Variants in FRS2 observed in about 807,000 individuals in gnomAD.
FRS2 encodes fibroblast growth factor receptor substrate 2.
Under a neutral mutation model 43.9 loss-of-function variants are expected in FRS2, and 8 were observed. The ratio of observed to expected loss-of-function variants is 0.18; its 90% CI spans 0.11 to 0.33. The LOEUF is 0.33. Ranked by LOEUF, FRS2 falls within the 10% of genes least tolerant of loss-of-function variation. FRS2 has a pLI of 1.00. For synonymous variants in FRS2, 219 were observed against 220.3 expected (o/e 0.99, Z 0.05); for missense variants, 534 against 627.6 (o/e 0.85, Z 1.59).
Position 69,565,644 on chromosome 12 carries a change from C to G in FRS2, c.-26-3361C>G, listed in dbSNP as rs557098537. ...AAAAACTAAGACAAAGACACAAACACACACATTAGCATGGGCCTATACAGG... is the reference window on the plus strand; with the variant it reads ...AAAAACTAAGACAAAGACACAAACAGACACATTAGCATGGGCCTATACAGG... On this transcript the variant is annotated intron_variant, in intron 4 of 8. Coordinates refer to ENST00000549921, the MANE Select transcript of FRS2 (RefSeq NM_001278356.2). 2.6e-5 allele frequency among the ~76,000 whole-genome samples: 4 copies of G among 152,088 alleles called. No individual in the cohort carries two copies. In the South Asian group the frequency reaches 8.3e-4, roughly 32 times the overall value.
At chr12:69,570,255 A>C in intron 5 of FRS2, 76 bp from the exon 6 acceptor site, 1 of 1,092,900 alleles carries the variant, frequency 9.1e-7, no homozygotes, top group Non-Finnish European at 1.4e-6. Flanking sequence ...ACAAATTACA[A>C]ATAACTAATT....
rs1881351929 is a variant in FRS2, at chr12:69,578,716, A to AT, written c.*3761_*3762insT. ...TCATTACATTGTATAATATTGTAAG[A>AT]CTATTGTATGTCCTAATTTGCATTA... On this transcript the variant is annotated 3_prime_UTR_variant, in exon 9 of 9. Coordinates refer to ENST00000549921, the MANE Select transcript of FRS2 (RefSeq NM_001278356.2). 1 of 152,646 alleles carries AT rather than the reference A, an allele frequency of 6.6e-6. No homozygotes were observed. Among genetic ancestry groups the AT allele is most frequent in the African/African-American group, 2.4e-5 (1 of 41,460 alleles). 9.5% of individuals were successfully genotyped at this position (152,646 alleles called of 1,614,324 possible).
At chr12:69,514,098 C>T (rs750559874) in intron 1 of FRS2, among the ~76,000 whole-genome samples, 1 of 151,682 alleles carries the variant, frequency 6.6e-6, no homozygotes, top group African/African-American at 2.4e-5. Flanking sequence ...AGATTTCGCC[C>T]CTGCATGATG....
rs1453115461 is a variant in FRS2, at chr12:69,571,388, T to A, written c.366T>A (p.Asn122Lys). 2 of 1,612,874 alleles carry A rather than the reference T, an allele frequency of 1.2e-6. No homozygotes were observed. Among genetic ancestry groups the A allele is most frequent in the Non-Finnish European group, 1.7e-6 (2 of 1,179,174 alleles). ...AAGAGCCAGTTGTAGAAAGAAATAA[T>A]CATCAGACAGAATTGGAAGTCCCTA... ...VVEEPVVERN[N>K]HQTELEVPRT... The change falls in exon 7 of 9, where the codon AAT becomes AAA. Residue 122 changes from asparagine (N) to lysine (K), a missense_variant. By Grantham distance (94) the Asn-to-Lys change is moderately conservative. Coordinates refer to ENST00000549921, the MANE Select transcript of FRS2 (RefSeq NM_001278356.2).
intron 1 of FRS2, among the ~76,000 whole-genome samples, chr12:69,493,402 A>G (rs1872626552): frequency 6.6e-6 from 1 of 152,200 alleles, no homozygotes; most frequent in Non-Finnish European, 1.5e-5. Context: ...TGAACCTGTT[A>G]AAATGTGCTG....
chr12:69,557,627 C>T (rs201030677), intron 3 of FRS2, among the ~76,000 whole-genome samples: 2,296 of 109,514 alleles, frequency 0.021, 17 homozygotes, highest in South Asian at 0.045. Context: ...TGTGCGCGCG[C>T]GCGCGCGCGC....
At chr12:69,537,643 A>G (rs1265866184) in intron 3 of FRS2, among the ~76,000 whole-genome samples, 1 of 150,668 alleles carries the variant, frequency 6.6e-6, no homozygotes, top group Non-Finnish European at 1.5e-5. Flanking sequence ...TGTATAATGT[A>G]TTGAGGGCGT....
intron 1 of FRS2, among the ~76,000 whole-genome samples, chr12:69,521,780 A>G (rs1476248395): frequency 1.3e-5 from 2 of 151,844 alleles, no homozygotes; most frequent in Non-Finnish European, 2.9e-5. Flanking sequence ...GCACCTGGCT[A>G]ATTTTTTGTA....
chr12:69,574,073 A>T lies in FRS2; in HGVS notation c.645A>T (p.Pro215=), dbSNP rs1880990156. The T allele has an allele frequency of 1.2e-6, 2 of 1,614,116 alleles. No individual in the cohort carries two copies. Among genetic ancestry groups the T allele is most frequent in the South Asian group, 2.2e-5 (2 of 91,088 alleles). ...ERKNRTSVHV[P]LEARVSNAES... Reference sequence around the variant, plus strand: ...AAAACCGCACAAGTGTGCATGTTCCATTGGAGGCGAGGGTTTCTAACGCTG... The same window carrying T: ...AAAACCGCACAAGTGTGCATGTTCCTTTGGAGGCGAGGGTTTCTAACGCTG... The change falls in exon 9 of 9, where the codon CCA becomes CCT. Residue 215 remains proline (P), a synonymous_variant. Transcript: ENST00000549921.
chr12:69,495,536 C>T lies in FRS2; in HGVS notation c.-261+25006C>T, dbSNP rs144809249. 2.0e-3 allele frequency among the ~76,000 whole-genome samples: 308 copies of T among 152,226 alleles called. 1 individual carries two copies. Among genetic ancestry groups the T allele is most frequent in the African/African-American group, 7.2e-3 (300 of 41,536 alleles). ...CTTTTGATTAACTACATGATAAACA[C>T]AGTCTAGATCGTTTGGGTGGGTAGT... is the stretch of plus-strand genomic sequence containing the variant. On this transcript the variant is annotated intron_variant, in intron 1 of 8. Transcript: ENST00000549921.
chr12:69,557,571 T>C (rs1378898322), intron 3 of FRS2, among the ~76,000 whole-genome samples: 1 of 149,578 alleles, frequency 6.7e-6, no homozygotes, highest in Non-Finnish European at 1.5e-5. Context: ...ACTAAGAGTT[T>C]CTTTGAGAGT....
At chr12:69,480,919 C>T (rs12310603) in intron 1 of FRS2, among the ~76,000 whole-genome samples, 3,131 of 152,092 alleles carry the variant, frequency 0.021, 96 homozygotes, top group African/African-American at 0.071. Flanking sequence ...CTGTGAAGTT[C>T]TCGTAACTTT....
intron 3 of FRS2, among the ~76,000 whole-genome samples, chr12:69,556,602 G>A (rs139620024): frequency 0.017 from 2,626 of 152,252 alleles, 24 homozygotes; most frequent in Non-Finnish European, 0.024. Context: ...GATTACAGGC[G>A]TGAGCCATCG....
intron 1 of FRS2, among the ~76,000 whole-genome samples, chr12:69,494,487 C>A (rs1872716921): frequency 6.6e-6 from 1 of 152,176 alleles, no homozygotes; most frequent in Non-Finnish European, 1.5e-5. Flanking sequence ...AGTTGTGGAG[C>A]TGGAATTCTA....
chr12:69,492,575 A>G (rs570042581), intron 1 of FRS2, among the ~76,000 whole-genome samples: 1 of 152,232 alleles, frequency 6.6e-6, no homozygotes, highest in South Asian at 2.1e-4. Flanking sequence ...TTTTTTAAAA[A>G]TCTCATATAT....
intron 1 of FRS2, among the ~76,000 whole-genome samples, chr12:69,512,197 A>G (rs1345643008): frequency 6.6e-6 from 1 of 151,994 alleles, no homozygotes; most frequent in Non-Finnish European, 1.5e-5. Flanking sequence ...TTGATCTTGC[A>G]CCTTATTTTA....
intron 3 of FRS2, among the ~76,000 whole-genome samples, chr12:69,554,373 G>A (rs1244931675): frequency 6.6e-6 from 1 of 152,114 alleles, no homozygotes; most frequent in Non-Finnish European, 1.5e-5. Context: ...TGTGGAGGTA[G>A]GGGAGAGAAA....
At position 69,507,767 on chromosome 12, in the gene FRS2, G is replaced by A. The variant is rs1469953348; in HGVS notation, c.-260-23098G>A. On this transcript the variant is annotated intron_variant, in intron 1 of 8. Transcript: ENST00000549921. Reference sequence around the variant, plus strand: ...CAGCCGGGCCCGGTGGCTCACGCCTGTAATCCCAGCACTTTGGGAGGCCCA... The same window carrying A: ...CAGCCGGGCCCGGTGGCTCACGCCTATAATCCCAGCACTTTGGGAGGCCCA... Among the ~76,000 whole-genome samples, 8 of 152,248 alleles carry A rather than the reference G, an allele frequency of 5.3e-5. No individual in the cohort carries two copies. The East Asian group carries it at 1.2e-3, about 22-fold the overall frequency.
At chr12:69,533,432 C>CTCCG (rs909943090) in intron 3 of FRS2, among the ~76,000 whole-genome samples, 2 of 152,064 alleles carry the variant, frequency 1.3e-5, no homozygotes, top group African/African-American at 2.4e-5. Flanking sequence ...TCACCACAGC[C>CTCCG]TCCGCCTCCT....
Sources: allele counts gnomAD v4.1 joint callset (sites outside exome capture counted in the v4.1 genomes callset), GRCh38; gene constraint gnomAD v4.1.1; transcripts MANE v1.5; gene names NCBI Gene and HGNC (gene_info 2026-07-23, HGNC 2026-07-21).